The following DLGAP2 variants were observed in gnomAD, a reference collection of about 807,000 sequenced individuals.
DLGAP2 encodes the protein DLG associated protein 2.
In DLGAP2, 26 loss-of-function variants were observed where a neutral mutation model predicts 100.3. The ratio of observed to expected loss-of-function variants is 0.26; its 90% CI spans 0.19 to 0.36. DLGAP2 has a LOEUF of 0.36. DLGAP2 is among the 10% of genes least tolerant of loss of function. The pLI is 1.00. For synonymous variants in DLGAP2, 886 were observed against 630.1 expected (o/e 1.41, Z -6.08); for missense variants, 1,858 against 1,453.2 (o/e 1.28, Z -4.53).
chr8:1,017,487 G>GTGTGTGTGACCAGGACAGA (rs1801488699), intron 2 of DLGAP2, among the ~76,000 whole-genome samples: 3 of 28,234 alleles, frequency 1.1e-4, no homozygotes, highest in South Asian at 1.0e-3. Flanking sequence ...AGGACAGACG[G>GTGTGTGTGACCAGGACAGA]CGCCTCCACT....
intron 3 of DLGAP2, among the ~76,000 whole-genome samples, chr8:1,352,902 G>C (rs558116809): frequency 6.6e-6 from 1 of 152,304 alleles, no homozygotes; most frequent in Admixed American, 6.5e-5. Context: ...TGAGAATGGG[G>C]CCTCCGGTCT....
chr8:1,010,436 A>G (rs966470391), intron 2 of DLGAP2, among the ~76,000 whole-genome samples: 7 of 152,256 alleles, frequency 4.6e-5, no homozygotes, highest in African/African-American at 1.7e-4. Flanking sequence ...ACATATGCAC[A>G]CACATACTCA....
At chr8:972,236 A>T (rs1800031484) in intron 2 of DLGAP2, among the ~76,000 whole-genome samples, 1 of 152,218 alleles carries the variant, frequency 6.6e-6, no homozygotes, top group South Asian at 2.1e-4. Flanking sequence ...CTGCTTCACT[A>T]TATCCATCAT....
At chr8:1,698,687 G>A (rs1799479529) in intron 14 of DLGAP2, among the ~76,000 whole-genome samples, 1 of 151,718 alleles carries the variant, frequency 6.6e-6, no homozygotes, top group African/African-American at 2.4e-5. Flanking sequence ...AGCCATGCAT[G>A]GGACTAGGCA....
At chr8:1,036,436 G>C (rs923219342) in intron 2 of DLGAP2, among the ~76,000 whole-genome samples, 1 of 152,226 alleles carries the variant, frequency 6.6e-6, no homozygotes, top group Non-Finnish European at 1.5e-5. Context: ...CTTTTGTCCA[G>C]GGGACCCTAC....
At chr8:1,167,571 TC>T (rs1797042361) in intron 2 of DLGAP2, among the ~76,000 whole-genome samples, 1 of 152,188 alleles carries the variant, frequency 6.6e-6, no homozygotes, top group Non-Finnish European at 1.5e-5. Context: ...AATCAGATGA[TC>T]ATAAGTGGCC....
intron 4 of DLGAP2, among the ~76,000 whole-genome samples, chr8:1,535,325 G>A (rs539914341): frequency 6.6e-6 from 1 of 152,326 alleles, no homozygotes; most frequent in African/African-American, 2.4e-5. Flanking sequence ...TGCCCTCAGT[G>A]TCTGGATTTC....
At chr8:1,264,976 G>A (rs766278222) in intron 3 of DLGAP2, among the ~76,000 whole-genome samples, 13 of 152,294 alleles carry the variant, frequency 8.5e-5, no homozygotes, top group South Asian at 4.2e-4. Flanking sequence ...AAGACATGCC[G>A]TTGCTCCTCC....
At chr8:1,670,483 G>T (rs1290317636) in intron 10 of DLGAP2, among the ~76,000 whole-genome samples, 3 of 152,214 alleles carry the variant, frequency 2.0e-5, no homozygotes, top group African/African-American at 2.4e-5. Flanking sequence ...CTGGACCCCA[G>T]CCCCACACAC....
chr8:1,291,735 GC>G (rs2116971223), intron 3 of DLGAP2, among the ~76,000 whole-genome samples: 1 of 152,238 alleles, frequency 6.6e-6, no homozygotes, highest in East Asian at 1.9e-4. Context: ...GTTCCAGTGT[GC>G]TTTGGACCCC....
At chr8:1,308,674 C>T (rs931058502) in intron 3 of DLGAP2, among the ~76,000 whole-genome samples, 6 of 152,186 alleles carry the variant, frequency 3.9e-5, no homozygotes, top group East Asian at 1.9e-4. Context: ...TACAGGTGCC[C>T]GCTACCATGA....
chr8:1,541,270 A>G (rs1801353041), intron 4 of DLGAP2, among the ~76,000 whole-genome samples: 1 of 152,168 alleles, frequency 6.6e-6, no homozygotes, highest in Non-Finnish European at 1.5e-5. Flanking sequence ...TCAAACATTC[A>G]TTGAGACCTC....
Position 1,644,013 on chromosome 8 carries a change from CGA to C in DLGAP2, c.1810+10968_1810+10969del, listed in dbSNP as rs1797976814. Among the ~76,000 whole-genome samples, 27 of 44,982 alleles carry C rather than the reference CGA, an allele frequency of 6.0e-4. 5 individuals are homozygous for C. The highest frequency in any genetic ancestry group is 1.3e-3 in the South Asian group (1 of 766). 29.5% of individuals were successfully genotyped at this position (44,982 alleles called of 152,430 possible). A position where few individuals can be genotyped will look rare whatever the true frequency, so the allele number is the denominator to read the frequency against. On this transcript the variant is annotated intron_variant, in intron 8 of 14. Coordinates refer to ENST00000637795, the MANE Select transcript of DLGAP2 (RefSeq NM_001346810.2). ...CGCCGGTCCTCACCTGTGTCACCCT[CGA>C]CCCCGCCGGCCCTCACCTGTGTCAC... is the stretch of plus-strand genomic sequence containing the variant.
In DLGAP2 at chr8:1,350,263, T is replaced by G. The variant is rs11985120; in HGVS notation, c.106+91380T>G. 1.1e-4 allele frequency among the ~76,000 whole-genome samples: 4 copies of G among 37,236 alleles called. 1 individual carries two copies. The highest frequency in any genetic ancestry group is 3.9e-4 in the African/African-American group (4 of 10,174). The allele number at this position is 37,236 out of a possible 152,430, so 24.4% of individuals were successfully genotyped here. A position where few individuals can be genotyped will look rare whatever the true frequency, so the allele number is the denominator to read the frequency against. On this transcript the variant is annotated intron_variant, in intron 3 of 14. Coordinates refer to ENST00000637795, the MANE Select transcript of DLGAP2 (RefSeq NM_001346810.2). ...AAAGGCCGTGCGGGTCCTGAGCATGTGTGGAACGGCCGTGCGGGTCCTGAG... is the reference window on the plus strand; with the variant it reads ...AAAGGCCGTGCGGGTCCTGAGCATGGGTGGAACGGCCGTGCGGGTCCTGAG...
intron 2 of DLGAP2, among the ~76,000 whole-genome samples, chr8:1,084,522 A>G (rs2129040219): frequency 6.6e-6 from 1 of 152,226 alleles, no homozygotes; most frequent in Non-Finnish European, 1.5e-5. Context: ...TCTGGGCACC[A>G]TTTCTCCCTC....
At chr8:1,574,780 C>G (rs1182834395) in intron 6 of DLGAP2, among the ~76,000 whole-genome samples, 1 of 152,188 alleles carries the variant, frequency 6.6e-6, no homozygotes, top group East Asian at 1.9e-4. Flanking sequence ...GTATATGGTT[C>G]AACCTGATCA....
chr8:1,040,234 TTCTGTGG>T (rs2129030244), intron 2 of DLGAP2, among the ~76,000 whole-genome samples: 1 of 109,768 alleles, frequency 9.1e-6, no homozygotes, highest in East Asian at 3.4e-4. Context: ...TCGGCTCGGT[TTCTGTGG>T]TCAGCTCGGT....
chr8:1,280,235 C>G (rs546993581), intron 3 of DLGAP2, among the ~76,000 whole-genome samples: 1 of 152,110 alleles, frequency 6.6e-6, no homozygotes, highest in Non-Finnish European at 1.5e-5. Flanking sequence ...TTGATCAAAT[C>G]TCATGAGTCC....
intron 6 of DLGAP2, among the ~76,000 whole-genome samples, chr8:1,626,104 G>T (rs1332344020): frequency 1.4e-5 from 2 of 145,396 alleles, no homozygotes; most frequent in Non-Finnish European, 1.5e-5. Flanking sequence ...CTGGGTGTGG[G>T]TTGGACGGCT....
Sources: gnomAD v4.1 joint callset for allele counts (sites outside exome capture counted in the v4.1 genomes callset) on GRCh38, gnomAD v4.1.1 for gene constraint, MANE v1.5 for transcripts, NCBI Gene and HGNC (gene_info 2026-07-23, HGNC 2026-07-21) for gene names.